The following ZNF578 variants were observed in gnomAD, a reference collection of about 807,000 sequenced individuals.
ZNF578 encodes the protein Putative chemokine-related protein B42.
A neutral mutation model predicts 8.3 loss-of-function variants in ZNF578; 8 were observed. That is an observed-to-expected ratio of 0.96 (90% confidence interval 0.56 to 1.74). ZNF578 has a LOEUF of 1.74. Among genes scored for constraint, ZNF578 ranks in the 40% most tolerant of loss-of-function variants. The pLI is 0.00. For missense variants in ZNF578, 726 were observed against 707.5 expected (o/e 1.03, Z -0.30); for synonymous variants, 206 against 232.2 (o/e 0.89, Z 1.03).
At chr19:52,465,289 A>G (rs1183538245) in intron 2 of ZNF578, among the ~76,000 whole-genome samples, 1 of 151,818 alleles carries the variant, frequency 6.6e-6, no homozygotes, top group Non-Finnish European at 1.5e-5. Flanking sequence ...CCCACCACTC[A>G]CTGGGTTGAG....
At chr19:52,503,576 C>A (rs547131699) in intron 4 of ZNF578, among the ~76,000 whole-genome samples, 1 of 152,134 alleles carries the variant, frequency 6.6e-6, no homozygotes, top group African/African-American at 2.4e-5. Context: ...GAATTCCTGA[C>A]CTCGTGATCC....
intron 2 of ZNF578, chr19:52,474,138 G>T (rs1026808756): frequency 6.1e-6 from 2 of 327,104 alleles, no homozygotes; most frequent in Admixed American, 3.9e-5. Context: ...ACCTTGCCAC[G>T]TTCATGACAT....
intron 2 of ZNF578, among the ~76,000 whole-genome samples, chr19:52,481,802 C>G (rs2059327361): frequency 6.6e-6 from 1 of 152,160 alleles, no homozygotes; most frequent in Admixed American, 6.5e-5. Flanking sequence ...GTAACTTCCT[C>G]TAACTGCAGC....
intron 2 of ZNF578, chr19:52,473,723 T>C: frequency 3.9e-6 from 1 of 259,106 alleles, no homozygotes; most frequent in Non-Finnish European, 7.4e-6. Flanking sequence ...ATCACATTCC[T>C]TACATGTATA....
chr19:52,471,044 C>T (rs1268584726), intron 2 of ZNF578, among the ~76,000 whole-genome samples: 1 of 152,160 alleles, frequency 6.6e-6, no homozygotes, highest in East Asian at 1.9e-4. Flanking sequence ...CCACTTCCTC[C>T]TGTTCTGGCC....
chr19:52,504,321 A>C (rs1056788981), intron 4 of ZNF578, among the ~76,000 whole-genome samples: 21 of 145,630 alleles, frequency 1.4e-4, no homozygotes, highest in Admixed American at 4.9e-4. Flanking sequence ...GAACTCTTGA[A>C]CTCAAATAAT....
chr19:52,486,243 A>C (rs538222974), intron 2 of ZNF578, among the ~76,000 whole-genome samples: 3 of 152,140 alleles, frequency 2.0e-5, no homozygotes, highest in Non-Finnish European at 2.9e-5. Flanking sequence ...ATTTGTTCAC[A>C]AGTTTTCCTG....
chr19:52,497,945 T>G (rs1457106030), intron 3 of ZNF578, among the ~76,000 whole-genome samples: 3 of 152,214 alleles, frequency 2.0e-5, no homozygotes, highest in Non-Finnish European at 2.9e-5. Flanking sequence ...GCAGAGCCCA[T>G]GTGTTCATGA....
chr19:52,500,660 GTCC>G (rs1280836294), intron 3 of ZNF578, among the ~76,000 whole-genome samples: 17 of 152,022 alleles, frequency 1.1e-4, no homozygotes, highest in Non-Finnish European at 2.5e-4. Context: ...TGGGATTACA[GTCC>G]TGAGCCACTA....
At chr19:52,497,421 T>A (rs2059390879) in intron 3 of ZNF578, among the ~76,000 whole-genome samples, 1 of 152,226 alleles carries the variant, frequency 6.6e-6, no homozygotes, top group African/African-American at 2.4e-5. Flanking sequence ...AGTTTCTCCA[T>A]GTTGGCCAGG....
rs557517117 is a variant in ZNF578, at chr19:52,483,011, G to T, written c.-121-8313G>T. On this transcript the variant is annotated intron_variant, in intron 2 of 5. Coordinates refer to ENST00000421239, the MANE Select transcript of ZNF578 (RefSeq NM_001099694.2). ...TGTAGTCCCATCTACTTGGGAGGCT[G>T]AGGCAGGAGAATCATGCCACTACAT... 7.2e-5 allele frequency among the ~76,000 whole-genome samples: 11 copies of T among 151,966 alleles called. No individual in the cohort carries two copies. The South Asian group carries it at 2.3e-3, about 32-fold the overall frequency.
At chr19:52,454,524 T>A (rs1011746338) in intron 1 of ZNF578, 5 of 152,248 alleles carry the variant, frequency 3.3e-5, no homozygotes, top group Non-Finnish European at 5.9e-5. Flanking sequence ...TCAGTATTTA[T>A]TAATTTGCCA....
chr19:52,460,983 A>G (rs1326265581), intron 2 of ZNF578, among the ~76,000 whole-genome samples: 1 of 152,182 alleles, frequency 6.6e-6, no homozygotes. Flanking sequence ...TCTGCAGACT[A>G]AAAGCAAACA....
chr19:52,482,003 T>G (rs1373194946), intron 2 of ZNF578, among the ~76,000 whole-genome samples: 1 of 151,938 alleles, frequency 6.6e-6, no homozygotes, highest in Admixed American at 6.6e-5. Flanking sequence ...AAATTACTGG[T>G]ATTACAGGGA....
At chr19:52,492,322 C>G (rs180919374) in intron 3 of ZNF578, among the ~76,000 whole-genome samples, 469 of 152,266 alleles carry the variant, frequency 3.1e-3, no homozygotes, top group Admixed American at 4.6e-3. Flanking sequence ...GCTTCCGCCT[C>G]GTGCCCGCAT....
At chr19:52,476,873 T>A (rs1568458393) in intron 2 of ZNF578, among the ~76,000 whole-genome samples, 1 of 152,230 alleles carries the variant, frequency 6.6e-6, no homozygotes, top group East Asian at 1.9e-4. Flanking sequence ...TTTTCTTTAA[T>A]TTGTATTACA....
At chr19:52,482,420 G>A (rs570688735) in intron 2 of ZNF578, among the ~76,000 whole-genome samples, 7 of 152,208 alleles carry the variant, frequency 4.6e-5, no homozygotes, top group South Asian at 4.1e-4. Flanking sequence ...CGTGGATCAC[G>A]AGGTCAGGGG....
chr19:52,511,490 C>T lies in ZNF578; in HGVS notation c.1109C>T (p.Pro370Leu). 6.2e-7 allele frequency: 1 copy of T among 1,614,036 alleles called. No individual in the cohort carries two copies. Among genetic ancestry groups the T allele is most frequent in the Non-Finnish European group, 8.5e-7 (1 of 1,179,946 alleles). ...CHRRLHTGIK[P>L]YKCNECGKMF... ...CGTAGACTTCATACTGGAATAAAAC[C>T]TTACAAGTGTAATGAGTGTGGCAAG... is the stretch of plus-strand genomic sequence containing the variant. Residue 370 changes from proline to leucine, a missense_variant, in exon 6 of 6, where the codon CCT becomes CTT. Pro to Leu is a moderately conservative substitution (Grantham distance 98). Transcript: ENST00000421239.
chr19:52,510,029 G>A (rs1359592776), intron 5 of ZNF578, among the ~76,000 whole-genome samples: 4 of 151,964 alleles, frequency 2.6e-5, no homozygotes, highest in South Asian at 4.2e-4. Flanking sequence ...CTACAGGCAC[G>A]GGCCAGCACA....
Sources: allele counts gnomAD v4.1 joint callset (sites outside exome capture counted in the v4.1 genomes callset), GRCh38; gene constraint gnomAD v4.1.1; transcripts MANE v1.5; gene names NCBI Gene and HGNC (gene_info 2026-07-23, HGNC 2026-07-21).